Variants in WNK3 observed in about 807,000 individuals in gnomAD.
WNK3 encodes the protein serine/threonine-protein kinase WNK3.
In WNK3, 18 loss-of-function variants were observed where a neutral mutation model predicts 116.7. The ratio of observed to expected loss-of-function variants is 0.15; its 90% CI spans 0.11 to 0.23. The LOEUF (loss-of-function observed/expected upper bound fraction) is 0.23. Ranked by LOEUF, WNK3 falls within the 10% of genes least tolerant of loss-of-function variation. The pLI, the probability that WNK3 is intolerant of heterozygous loss-of-function variation, is 1.00. For missense variants in WNK3, 993 were observed against 1,323.8 expected, an observed-to-expected ratio of 0.75 and a Z score of 3.88; for synonymous variants, 404 against 469.4, an observed-to-expected ratio of 0.86 and a Z score of 1.80.
intron 22 of WNK3, among the ~76,000 whole-genome samples, chrX:54,206,436 G>A (rs1005862116): frequency 1.8e-5 from 2 of 111,495 alleles, no homozygotes; most frequent in Non-Finnish European, 3.8e-5. Flanking sequence ...TATACCTGGG[G>A]TCAAACCTAT....
intron 1 of WNK3, among the ~76,000 whole-genome samples, chrX:54,343,905 C>G (rs1383510913): frequency 9.0e-6 from 1 of 110,856 alleles, no homozygotes; most frequent in African/African-American, 3.3e-5. Context: ...AAGAGATTCT[C>G]CCTCCTTGGC....
At chrX:54,234,645 T>C (rs1369680463) in intron 20 of WNK3, among the ~76,000 whole-genome samples, 1 of 110,405 alleles carries the variant, frequency 9.1e-6, no homozygotes, top group African/African-American at 3.3e-5. Context: ...GCTAACACAG[T>C]GAAACCCCGT....
intron 20 of WNK3, among the ~76,000 whole-genome samples, chrX:54,234,634 A>G (rs1042675044): frequency 1.8e-5 from 2 of 111,014 alleles, no homozygotes; most frequent in African/African-American, 6.5e-5. Context: ...AGATCATCCC[A>G]GCTAACACAG....
chrX:54,212,415 T>A (rs1557144004), intron 22 of WNK3, among the ~76,000 whole-genome samples: 1 of 112,012 alleles, frequency 8.9e-6, no homozygotes, highest in Admixed American at 9.5e-5. Flanking sequence ...TATGCAAGTT[T>A]AAAAAGCAAT....
At chrX:54,227,808 T>G (rs1390946923) in intron 22 of WNK3, among the ~76,000 whole-genome samples, 1 of 112,780 alleles carries the variant, frequency 8.9e-6, no homozygotes, top group African/African-American at 3.2e-5. Context: ...ATATGCTAAG[T>G]GAAAAAAGTC....
intron 1 of WNK3, among the ~76,000 whole-genome samples, chrX:54,334,993 G>C (rs782744166): frequency 1.2e-4 from 13 of 111,519 alleles, no homozygotes; most frequent in Non-Finnish European, 2.3e-4. Flanking sequence ...GGGCACGGTG[G>C]CTCACACCTG....
intron 2 of WNK3, among the ~76,000 whole-genome samples, chrX:54,314,036 A>G (rs1337382764): frequency 9.3e-6 from 1 of 108,067 alleles, no homozygotes; most frequent in African/African-American, 3.4e-5. Context: ...TAATAAAAAC[A>G]CAAAAAATTA....
chrX:54,205,271 A>AACCAAC lies in WNK3; in HGVS notation c.4871-3079_4871-3078insGTTGGT, dbSNP rs1569534994. On this transcript the variant is annotated intron_variant, in intron 22 of 23. Transcript: ENST00000354646. ...ACCAACCAACCAACCAACCAACCAAACAAACAAACAACAAAAAAAAGAACA... is the reference window on the plus strand; with the variant it reads ...ACCAACCAACCAACCAACCAACCAAAACCAACCAAACAAACAACAAAAAAAAGAACA... 4.7e-3 allele frequency among the ~76,000 whole-genome samples: 359 copies of AACCAAC among 76,740 alleles called. 1 individual carries two copies. Among genetic ancestry groups the AACCAAC allele is most frequent in the African/African-American group, 0.016 (224 of 14,354 alleles). The allele number at this position is 76,740 out of a possible 115,157, so 66.6% of individuals were successfully genotyped here. A position where few individuals can be genotyped will look rare whatever the true frequency, so the allele number is the denominator to read the frequency against.
intron 11 of WNK3, among the ~76,000 whole-genome samples, chrX:54,257,604 G>A (rs1435294262): frequency 9.2e-6 from 1 of 108,431 alleles, no homozygotes; most frequent in Non-Finnish European, 1.9e-5. Context: ...AGACCAGCCT[G>A]GACAACATGG....
intron 10 of WNK3, among the ~76,000 whole-genome samples, chrX:54,273,256 A>T (rs1263974949): frequency 3.6e-5 from 4 of 112,423 alleles, no homozygotes; most frequent in Non-Finnish European, 5.6e-5. Flanking sequence ...CTGTCTTACC[A>T]ACTACCTAAT....
intron 16 of WNK3, 62 bp from the exon 17 acceptor site, chrX:54,249,696 C>T (rs782036256): frequency 2.9e-5 from 30 of 1,038,573 alleles, no homozygotes; most frequent in South Asian, 1.8e-4. Flanking sequence ...AGACTAGTAC[C>T]CTAAGTCAAA....
chrX:54,249,129 T>C (rs782033714), exon 17 of WNK3: 1 of 1,211,883 alleles, frequency 8.3e-7, no homozygotes, highest in East Asian at 3.0e-5. Context: ...TGGGAATGAC[T>C]GTCTTAGGAG....
chrX:54,294,968 G>A lies in WNK3; in HGVS notation c.1399-121C>T, dbSNP rs949222109. ...GCTGGAGTGCAGTGGCATGATCTCG[G>A]CTCACTGCAACTCTGTCTCCTAGGT... On this transcript the variant is annotated intron_variant, in intron 7 of 23. Transcript: ENST00000354646. The A allele has an allele frequency of 1.7e-5, 9 of 542,719 alleles. No individual in the cohort carries two copies. The East Asian group carries it at 3.5e-4, about 21-fold the overall frequency. The allele number at this position is 542,719 out of a possible 1,213,427, so 44.7% of individuals were successfully genotyped here.
At chrX:54,247,246 A>C (rs1353953889) in intron 17 of WNK3, among the ~76,000 whole-genome samples, 1 of 111,593 alleles carries the variant, frequency 9.0e-6, no homozygotes, top group Non-Finnish European at 1.9e-5. Flanking sequence ...AGTCTCCTTC[A>C]AGCAACAAAG....
At chrX:54,224,064 T>C (rs1428753643) in intron 22 of WNK3, 2 of 119,848 alleles carry the variant, frequency 1.7e-5, no homozygotes, top group African/African-American at 6.4e-5. Flanking sequence ...GCTTAAGAAC[T>C]TCCCATTGGC....
intron 22 of WNK3, among the ~76,000 whole-genome samples, chrX:54,217,960 G>A (rs1557145747): frequency 1.8e-5 from 2 of 111,486 alleles, no homozygotes; most frequent in Non-Finnish European, 1.9e-5. Flanking sequence ...TAAGAGACAC[G>A]CAAAGAAACA....
exon 24 of WNK3, chrX:54,193,028 G>T (rs1461892950): frequency 9.2e-6 from 1 of 108,651 alleles, no homozygotes; most frequent in Non-Finnish European, 1.9e-5. Context: ...AAAAAAAAAA[G>T]GTTAATGTCA....
intron 17 of WNK3, among the ~76,000 whole-genome samples, chrX:54,240,991 T>C (rs1266328567): frequency 9.0e-6 from 1 of 111,652 alleles, no homozygotes; most frequent in Non-Finnish European, 1.9e-5. Flanking sequence ...AATGGAAGAA[T>C]GAACTGGTTG....
At chrX:54,216,749 T>C (rs2067700656) in intron 22 of WNK3, among the ~76,000 whole-genome samples, 1 of 112,133 alleles carries the variant, frequency 8.9e-6, no homozygotes. Context: ...AGAGATCCCT[T>C]TGGAAAAGAT....
Sources: gnomAD v4.1 joint callset for allele counts (sites outside exome capture counted in the v4.1 genomes callset) on GRCh38, gnomAD v4.1.1 for gene constraint, MANE v1.5 for transcripts, NCBI Gene and HGNC (gene_info 2026-07-23, HGNC 2026-07-21) for gene names.